The following FAM169A variants were observed in gnomAD, a reference collection of about 807,000 sequenced individuals.
FAM169A encodes soluble lamin-associated protein of 75 kDa.
In FAM169A, 24 loss-of-function variants were observed where a neutral mutation model predicts 75.7. That is an observed-to-expected ratio of 0.32 (90% CI 0.23 to 0.45). The LOEUF (loss-of-function observed/expected upper bound fraction) is 0.45, where lower values mean the gene tolerates loss of function less well. Among genes scored for constraint, FAM169A ranks in the 20% least tolerant of loss-of-function variants. FAM169A has a pLI of 1.00. For synonymous variants in FAM169A, 271 were observed against 271.0 expected, an observed-to-expected ratio of 1.00 and a Z score of 0.00; for missense variants, 673 against 784.0, an observed-to-expected ratio of 0.86 and a Z score of 1.69.
chr5:74,862,093 C>A (rs1214158589), intron 1 of FAM169A, among the ~76,000 whole-genome samples: 1 of 152,220 alleles, frequency 6.6e-6, no homozygotes, highest in Admixed American at 6.5e-5. Flanking sequence ...TCCTCTGTCA[C>A]CTCCATAGCC....
In FAM169A at chr5:74,782,924, C is replaced by G. The variant is rs1438044466; in HGVS notation, c.1464+7G>C. The G allele has an allele frequency of 6.2e-7, 1 of 1,605,390 alleles. No homozygotes were observed. Among genetic ancestry groups the G allele is most frequent in the Non-Finnish European group, 8.5e-7 (1 of 1,173,496 alleles). ...CTTTATTAAAAAATAGCTCATTGCC[C>G]CCTTACCTTATCTGGTGCATCTACC... On this transcript the variant is annotated splice_region_variant and intron_variant, in intron 12 of 12. Transcript: ENST00000687041.
At chr5:74,831,949 G>A (rs1748332712) in intron 5 of FAM169A, among the ~76,000 whole-genome samples, 1 of 152,054 alleles carries the variant, frequency 6.6e-6, no homozygotes, top group African/African-American at 2.4e-5. Context: ...AATATTTGAT[G>A]AAAGAATCAA....
chr5:74,839,924 A>G lies in FAM169A; in HGVS notation c.232+150T>C, dbSNP rs186792689. The G allele has an allele frequency of 9.1e-6, 5 of 548,826 alleles. No individual in the cohort carries two copies. In the East Asian group the frequency reaches 1.5e-4, roughly 16 times the overall value. The allele number at this position is 548,826 out of a possible 1,614,324, so 34.0% of individuals were successfully genotyped here. On this transcript the variant is annotated intron_variant, in intron 3 of 12. Coordinates refer to ENST00000687041, the MANE Select transcript of FAM169A (RefSeq NM_001376049.1). ...ACATTCATCCATCAAACATGTAGCT[A>G]TAAGCAATTAAGAATTACATTTTAA...
chr5:74,837,950 G>A lies in FAM169A; in HGVS notation c.318+1015C>T, dbSNP rs529640916. Among the ~76,000 whole-genome samples the A allele has an allele frequency of 1.3e-4, 19 of 151,282 alleles. No homozygotes were observed. In the South Asian group the frequency reaches 2.7e-3, roughly 22 times the overall value. The stretch of plus-strand genomic sequence containing the variant: ...CTGACCAACATGGAGAAACATCGTC[G>A]CTACTAAAAATACAAAATTAGCCGG... On this transcript the variant is annotated intron_variant, in intron 4 of 12. Transcript: ENST00000687041.
chr5:74,817,398 A>G (rs1747526478), intron 5 of FAM169A, among the ~76,000 whole-genome samples: 1 of 152,138 alleles, frequency 6.6e-6, no homozygotes, highest in South Asian at 2.1e-4. Context: ...ATTTCCACAC[A>G]TTAGCAATGA....
rs746659102 is a variant in FAM169A at position 74,796,131 on chromosome 5, GTTC to G, written c.1156_1158del (p.Glu386del). ...TCAAATTCAATCCCTCTCTGTTCAG[GTTC>G]TTCTTCCAGGAATTCTTCTGAGCTC... is the stretch of plus-strand genomic sequence containing the variant. On this transcript the variant is annotated inframe_deletion, in exon 11 of 13. Transcript: ENST00000687041. 2.5e-6 allele frequency: 4 copies of G among 1,613,830 alleles called. No individual in the cohort carries two copies. Among genetic ancestry groups the G allele is most frequent in the East Asian group, 4.5e-5 (2 of 44,854 alleles).
Position 74,852,665 on chromosome 5 carries a change from T to A in FAM169A, c.-3-10986A>T, listed in dbSNP as rs116039871. 1.6e-3 allele frequency among the ~76,000 whole-genome samples: 227 copies of A among 143,738 alleles called. 1 individual carries two copies. The highest frequency in any genetic ancestry group is 5.4e-3 in the African/African-American group (210 of 38,642). The allele number at this position is 143,738 out of a possible 152,430, so 94.3% of individuals were successfully genotyped here. A position where few individuals can be genotyped will look rare whatever the true frequency, so the allele number is the denominator to read the frequency against. The stretch of plus-strand genomic sequence containing the variant: ...CTGAAAGTACACCGAGAACGGCAAG[T>A]AGTTGGATTTACCAAGAGAGTTAAG... On this transcript the variant is annotated intron_variant, in intron 1 of 12. Coordinates refer to ENST00000687041, the MANE Select transcript of FAM169A (RefSeq NM_001376049.1).
At chr5:74,843,775 C>T (rs1278984093) in intron 1 of FAM169A, among the ~76,000 whole-genome samples, 1 of 152,168 alleles carries the variant, frequency 6.6e-6, no homozygotes, top group Non-Finnish European at 1.5e-5. Flanking sequence ...TGCTGATGAA[C>T]ATTTGGCTAT....
intron 6 of FAM169A, among the ~76,000 whole-genome samples, chr5:74,810,751 C>CAAAAAA (rs750402413): frequency 1.9e-5 from 1 of 52,552 alleles, no homozygotes; most frequent in African/African-American, 8.6e-5. Context: ...GACTCCGTCT[C>CAAAAAA]AAAAAAAAAA....
intron 5 of FAM169A, among the ~76,000 whole-genome samples, chr5:74,821,220 T>G (rs1030269244): frequency 6.6e-6 from 1 of 152,184 alleles, no homozygotes; most frequent in Non-Finnish European, 1.5e-5. Flanking sequence ...CTCAATTTCT[T>G]CCTCTTGCTC....
At chr5:74,811,517 T>C (rs1381461589) in intron 6 of FAM169A, among the ~76,000 whole-genome samples, 1 of 152,206 alleles carries the variant, frequency 6.6e-6, no homozygotes, top group Non-Finnish European at 1.5e-5. Flanking sequence ...TCTAATTCTG[T>C]ACTTGGTTCC....
chr5:74,864,073 G>T (rs550590108), intron 1 of FAM169A, among the ~76,000 whole-genome samples: 2 of 152,288 alleles, frequency 1.3e-5, no homozygotes, highest in South Asian at 4.1e-4. Context: ...TTTTGCCAGG[G>T]ATGGTACACA....
upstream of FAM169A, chr5:74,866,897 C>T: frequency 1.0e-6 from 1 of 985,546 alleles, no homozygotes; most frequent in Non-Finnish European, 1.2e-6. Context: ...CTCCGCCCCA[C>T]CACTTTCATC....
intron 1 of FAM169A, among the ~76,000 whole-genome samples, chr5:74,854,406 T>C (rs1295498425): frequency 6.6e-6 from 1 of 151,746 alleles, no homozygotes; most frequent in Non-Finnish European, 1.5e-5. Flanking sequence ...AAAATAATAA[T>C]AATAATAATA....
intron 5 of FAM169A, among the ~76,000 whole-genome samples, chr5:74,818,087 C>T (rs1366313941): frequency 1.3e-5 from 2 of 152,168 alleles, no homozygotes; most frequent in East Asian, 3.9e-4. Context: ...CCTTTGTCAC[C>T]TTGGGTTAGG....
intron 2 of FAM169A, among the ~76,000 whole-genome samples, chr5:74,840,816 G>A (rs1165205467): frequency 3.3e-5 from 5 of 149,790 alleles, no homozygotes; most frequent in Admixed American, 1.3e-4. Flanking sequence ...GCGACAGACC[G>A]AGACTCCATC....
intron 6 of FAM169A, among the ~76,000 whole-genome samples, chr5:74,812,255 C>T (rs112381641): frequency 0.024 from 3,644 of 152,200 alleles, 146 homozygotes; most frequent in African/African-American, 0.084. Context: ...CCTCAAGTAA[C>T]CGGGACTACA....
rs1745276833 is a variant in FAM169A, at chr5:74,779,092, G to A, written c.*2368C>T. Reference sequence around the variant, plus strand: ...GTCAGAGAGAATCTGTAACAGAAGTGTTCTTGTGTGCTGAACAAAAAACTT... The same window carrying A: ...GTCAGAGAGAATCTGTAACAGAAGTATTCTTGTGTGCTGAACAAAAAACTT... On this transcript the variant is annotated 3_prime_UTR_variant, in exon 13 of 13. Transcript: ENST00000687041. 1 of 152,096 alleles carries A rather than the reference G, an allele frequency of 6.6e-6. No individual in the cohort carries two copies. 9.4% of individuals were successfully genotyped at this position (152,096 alleles called of 1,614,324 possible).
At chr5:74,840,645 C>T (rs955076910) in intron 2 of FAM169A, among the ~76,000 whole-genome samples, 3 of 151,190 alleles carry the variant, frequency 2.0e-5, no homozygotes, top group Non-Finnish European at 2.9e-5. Context: ...CTGGCTAACA[C>T]AGTGAAACCC....
Sources: allele counts gnomAD v4.1 joint callset (sites outside exome capture counted in the v4.1 genomes callset), GRCh38; gene constraint gnomAD v4.1.1; transcripts MANE v1.5; gene names NCBI Gene and HGNC (gene_info 2026-07-23, HGNC 2026-07-21).